Variants in SI observed in about 807,000 individuals in gnomAD.
The protein encoded by SI is sucrase-isomaltase, also known as sucrase-isomaltase, intestinal.
Under a neutral mutation model 253.3 loss-of-function variants are expected in SI, and 235 were observed. The observed-to-expected ratio is 0.93, with a 90% confidence interval of 0.83 to 1.03. The LOEUF (loss-of-function observed/expected upper bound fraction) is 1.03, where lower values mean the gene tolerates loss of function less well. Ranked by LOEUF, SI falls within the 50% of genes least tolerant of loss-of-function variation. The probability of loss-of-function intolerance (pLI) is 0.00; values close to 1 mark genes in which losing one functional copy is unlikely to be tolerated. For synonymous variants in SI, 819 were observed against 712.0 expected (o/e 1.15, Z -2.39); for missense variants, 2,442 against 2,211.1 (o/e 1.10, Z -2.09).
intron 17 of SI, among the ~76,000 whole-genome samples, chr3:165,041,493 A>G (rs1032102262): frequency 5.9e-5 from 9 of 151,984 alleles, no homozygotes; most frequent in Admixed American, 5.9e-4. Flanking sequence ...CAGTCATGCA[A>G]ACTACTCTGG....
intron 40 of SI, among the ~76,000 whole-genome samples, chr3:164,995,782 C>T (rs1044939119): frequency 6.6e-6 from 1 of 151,690 alleles, no homozygotes; most frequent in African/African-American, 2.4e-5. Context: ...TCTATTTTCC[C>T]TTATAGACAT....
In SI at chr3:165,012,961, T is replaced by C; in HGVS notation, c.4062+19A>G. Reference sequence around the variant, plus strand: ...TTTGAATTTCTTCTCATTGTATAGTTAGCCCGTGTAAAACTTACATTAACA... The same window carrying C: ...TTTGAATTTCTTCTCATTGTATAGTCAGCCCGTGTAAAACTTACATTAACA... On this transcript the variant is annotated intron_variant, in intron 34 of 47. Transcript: ENST00000264382. 1 of 1,482,520 alleles carries C rather than the reference T, an allele frequency of 6.7e-7. No homozygotes were observed. 91.8% of individuals were successfully genotyped at this position (1,482,520 alleles called of 1,614,324 possible).
chr3:165,010,884 G>C (rs189895449), intron 34 of SI, among the ~76,000 whole-genome samples: 14 of 152,250 alleles, frequency 9.2e-5, no homozygotes, highest in African/African-American at 2.6e-4. Context: ...TGGTTCTCAA[G>C]AATAGTGGGT....
At chr3:165,060,637 A>T (rs2108251109) in intron 9 of SI, among the ~76,000 whole-genome samples, 1 of 151,532 alleles carries the variant, frequency 6.6e-6, no homozygotes, top group Non-Finnish European at 1.5e-5. Flanking sequence ...TATTTCTGTA[A>T]TGGCCCAGGC....
At chr3:165,009,508 A>C (rs1443302385) in intron 34 of SI, 113 bp from the exon 35 acceptor site, 4 of 709,354 alleles carry the variant, frequency 5.6e-6, no homozygotes, top group African/African-American at 3.6e-5. Context: ...ATAATGAAGG[A>C]AATTGACATC....
At position 164,979,211 on chromosome 3, in the gene SI, T is replaced by A. The variant is rs1260115524; in HGVS notation, c.*151A>T. The stretch of plus-strand genomic sequence containing the variant: ...CATTACTATAATAAAATTAGCATTA[T>A]CATTGATGTACGCTACAAAATAACT... On this transcript the variant is annotated 3_prime_UTR_variant, in exon 48 of 48. Transcript: ENST00000264382. 1 of 638,844 alleles carries A rather than the reference T, an allele frequency of 1.6e-6. No homozygotes were observed. The highest frequency in any genetic ancestry group is 2.8e-6 in the Non-Finnish European group (1 of 351,822). The allele number at this position is 638,844 out of a possible 1,614,324, so 39.6% of individuals were successfully genotyped here.
intron 9 of SI, 116 bp from the exon 10 acceptor site, chr3:165,060,143 A>G (rs1303745434): frequency 1.7e-5 from 15 of 905,416 alleles, no homozygotes; most frequent in Non-Finnish European, 2.0e-5. Flanking sequence ...TTAAGTTTAT[A>G]TAATTTAAAC....
intron 13 of SI, among the ~76,000 whole-genome samples, chr3:165,053,027 A>G (rs573091479): frequency 1.3e-5 from 2 of 151,990 alleles, no homozygotes; most frequent in Non-Finnish European, 2.9e-5. Context: ...TGATATCAAA[A>G]TATGCATATG....
At chr3:165,038,433 G>A (rs1479799493) in intron 20 of SI, among the ~76,000 whole-genome samples, 2 of 151,728 alleles carry the variant, frequency 1.3e-5, no homozygotes, top group African/African-American at 2.4e-5. Flanking sequence ...TTGCAGGCCA[G>A]GCGCAGTGGC....
rs765207613 is a variant in SI, at chr3:165,017,688, C to G, written c.3634-15G>C. 3 of 1,611,394 alleles carry G rather than the reference C, an allele frequency of 1.9e-6. No individual in the cohort carries two copies. Among genetic ancestry groups the G allele is most frequent in the Admixed American group, 3.3e-5 (2 of 59,812 alleles). Reference sequence around the variant, plus strand: ...TGGCCAATTACCTTTAAAAAAAATTCATGTGTGAACTAAGAGAATTACTTT... The same window carrying G: ...TGGCCAATTACCTTTAAAAAAAATTGATGTGTGAACTAAGAGAATTACTTT... On this transcript the variant is annotated splice_polypyrimidine_tract_variant and intron_variant, in intron 30 of 47. Coordinates refer to ENST00000264382, the MANE Select transcript of SI (RefSeq NM_001041.4).
In SI at chr3:165,016,092, A is replaced by G; in HGVS notation, c.3760-12T>C. ...GTGTACTGAACATCCTGAAATATCC[A>G]AAAATTATCAAAGTAGGGCAAAAAA... On this transcript the variant is annotated splice_polypyrimidine_tract_variant and intron_variant, in intron 31 of 47. Transcript: ENST00000264382. 3 of 1,611,240 alleles carry G rather than the reference A, an allele frequency of 1.9e-6. No homozygotes were observed. Among genetic ancestry groups the G allele is most frequent in the Non-Finnish European group, 2.5e-6 (3 of 1,177,750 alleles).
rs779495496 is a variant in SI at position 164,994,296 on chromosome 3, T to G, written c.4802A>C (p.His1601Pro). The G allele has an allele frequency of 6.2e-7, 1 of 1,611,268 alleles. No homozygotes were observed. Among genetic ancestry groups the G allele is most frequent in the Non-Finnish European group, 8.5e-7 (1 of 1,178,046 alleles). ...PYFYTQMHEI[H>P]ANGGTVIRPL... ...TCGGATAACAGTGCCACCATTAGCA[T>G]GAATTTCATGCATTTGTGTGTAAAA... Residue 1601 changes from histidine (H) to proline (P), a missense_variant, in exon 41 of 48, where the codon CAT becomes CCT. By Grantham distance (77) the His-to-Pro change is moderately conservative. Transcript: ENST00000264382.
intron 37 of SI, among the ~76,000 whole-genome samples, chr3:165,001,958 A>G (rs1386889009): frequency 6.6e-6 from 1 of 151,574 alleles, no homozygotes; most frequent in African/African-American, 2.4e-5. Flanking sequence ...AAAATAATTT[A>G]TAAATATTGA....
At position 165,032,687 on chromosome 3, in the gene SI, T is replaced by C. The variant is rs754848519; in HGVS notation, c.2571A>G (p.Thr857=). 4 of 1,593,570 alleles carry C rather than the reference T, an allele frequency of 2.5e-6. No individual in the cohort carries two copies. The highest frequency in any genetic ancestry group is 1.7e-5 in the Admixed American group (1 of 59,510). The change falls in exon 24 of 48, where the codon ACA becomes ACG. Residue 857 remains threonine (T), a synonymous_variant. Coordinates refer to ENST00000264382, the MANE Select transcript of SI (RefSeq NM_001041.4). ...ATGAATGTGTGCACACAATATCTAA[T>C]GTGTTCTGAGAAAAATAGTATAAGA... ...ILYTFSVSNN[T]LDIVCTHSSY...
chr3:164,982,500 T>C, intron 46 of SI, 90 bp from the exon 47 acceptor site: 1 of 891,756 alleles, frequency 1.1e-6, no homozygotes, highest in Non-Finnish European at 1.8e-6. Flanking sequence ...AAAAATGTAT[T>C]TCGTAGTATA....
At chr3:164,982,804 C>T (rs1197344648) in intron 46 of SI, among the ~76,000 whole-genome samples, 198 bp downstream of exon 46, 1 of 151,994 alleles carries the variant, frequency 6.6e-6, no homozygotes, top group African/African-American at 2.4e-5. Flanking sequence ...ACTACAGTTG[C>T]ATGCCACCAT....
At chr3:165,072,105 T>A (rs537303428) in intron 3 of SI, among the ~76,000 whole-genome samples, 2 of 152,234 alleles carry the variant, frequency 1.3e-5, no homozygotes, top group South Asian at 4.1e-4. Flanking sequence ...AATTTTCCAA[T>A]TTTAACAATC....
At chr3:165,059,383 A>G (rs937708466) in intron 10 of SI, 84 bp from the exon 11 acceptor site, 11 of 1,280,394 alleles carry the variant, frequency 8.6e-6, no homozygotes, top group Middle Eastern at 1.9e-4. Context: ...TTGAACGTGT[A>G]TTATAAACAT....
At position 165,055,678 on chromosome 3, in the gene SI, A is replaced by T. The variant is rs1576913371; in HGVS notation, c.1399-371T>A. ...ATAAAGCACATTAGCTTATTTCCAAAGGTGTATGCCTCCAAGCAATTTTAA... is the reference window on the plus strand; with the variant it reads ...ATAAAGCACATTAGCTTATTTCCAATGGTGTATGCCTCCAAGCAATTTTAA... On this transcript the variant is annotated intron_variant, in intron 12 of 47. Coordinates refer to ENST00000264382, the MANE Select transcript of SI (RefSeq NM_001041.4). Among the ~76,000 whole-genome samples the T allele has an allele frequency of 3.9e-5, 6 of 152,184 alleles. 1 individual carries two copies. The South Asian group carries it at 1.0e-3, about 26-fold the overall frequency.
Sources: gnomAD v4.1 joint callset for allele counts (sites outside exome capture counted in the v4.1 genomes callset) on GRCh38, gnomAD v4.1.1 for gene constraint, MANE v1.5 for transcripts, NCBI Gene and HGNC (gene_info 2026-07-23, HGNC 2026-07-21) for gene names.